The following SLC6A15 variants were observed in gnomAD, a reference collection of about 807,000 sequenced individuals.
SLC6A15 encodes sodium-dependent neutral amino acid transporter B(0)AT2.
In SLC6A15, 33 loss-of-function variants were observed where a neutral mutation model predicts 68.5. The observed-to-expected ratio is 0.48, with a 90% CI of 0.37 to 0.64. SLC6A15 has a LOEUF of 0.64. SLC6A15 is among the 30% of genes least tolerant of loss of function. The pLI is 0.00. For missense variants in SLC6A15, 747 were observed against 874.3 expected (o/e 0.85, Z 1.84); for synonymous variants, 347 against 301.0 (o/e 1.15, Z -1.58).
rs75479937 is a variant in SLC6A15 at position 84,899,641 on chromosome 12, C to T, written c.-188-7333G>A. Among the ~76,000 whole-genome samples the T allele has an allele frequency of 9.5e-3, 1,445 of 152,194 alleles. 21 individuals carry two copies. The highest frequency in any genetic ancestry group is 0.033 in the African/African-American group (1,376 of 41,530). On this transcript the variant is annotated intron_variant, in intron 1 of 11. Transcript: ENST00000266682. Reference sequence around the variant, plus strand: ...TCACTTTCTAAAGCTTGCAAAGAACCCCAAATGGCTTACAAATTATGAATC... The same window carrying T: ...TCACTTTCTAAAGCTTGCAAAGAACTCCAAATGGCTTACAAATTATGAATC...
chr12:84,898,692 T>A (rs535625808), intron 1 of SLC6A15, among the ~76,000 whole-genome samples: 2 of 152,338 alleles, frequency 1.3e-5, no homozygotes, highest in South Asian at 4.1e-4. Context: ...ATATATTCTC[T>A]CTTTTATTAC....
intron 5 of SLC6A15, chr12:84,881,999 A>G: frequency 2.0e-6 from 2 of 979,310 alleles, no homozygotes; most frequent in South Asian, 9.4e-5. Flanking sequence ...AAATGTATGT[A>G]CTAAATAAAT....
chr12:84,878,007 C>T (rs1355311705), intron 5 of SLC6A15, among the ~76,000 whole-genome samples: 3 of 152,160 alleles, frequency 2.0e-5, no homozygotes, highest in Non-Finnish European at 2.9e-5. Context: ...GAAAAAGTGC[C>T]ATAGCAGATG....
chr12:84,869,885 T>C (rs567590321), intron 9 of SLC6A15, among the ~76,000 whole-genome samples: 17 of 152,264 alleles, frequency 1.1e-4, no homozygotes, highest in African/African-American at 4.1e-4. Context: ...TATAATTTAT[T>C]TTATATCCTT....
At chr12:84,867,276 A>G in intron 9 of SLC6A15, 83 bp from the exon 10 acceptor site, 1 of 1,100,492 alleles carries the variant, frequency 9.1e-7, no homozygotes. Flanking sequence ...TTATATTCAA[A>G]CTTTTAAAAC....
At chr12:84,884,153 C>T (rs1296812546) in intron 4 of SLC6A15, 113 bp from the exon 5 acceptor site, 2 of 765,078 alleles carry the variant, frequency 2.6e-6, no homozygotes, top group African/African-American at 3.5e-5. Context: ...AAAGTACTAC[C>T]ATTGTATAGC....
intron 5 of SLC6A15, among the ~76,000 whole-genome samples, chr12:84,876,948 CT>C (rs759253959): frequency 1.4e-4 from 21 of 152,138 alleles, no homozygotes; most frequent in Admixed American, 4.6e-4. Context: ...TGAATTCCTA[CT>C]TTTTTGTTGT....
chr12:84,877,639 T>G (rs1871613382), intron 5 of SLC6A15, among the ~76,000 whole-genome samples: 1 of 152,146 alleles, frequency 6.6e-6, no homozygotes, highest in Non-Finnish European at 1.5e-5. Context: ...GCAGATGACT[T>G]GCTCCTCCTT....
At chr12:84,901,575 T>G (rs1020834977) in intron 1 of SLC6A15, among the ~76,000 whole-genome samples, 20 of 151,868 alleles carry the variant, frequency 1.3e-4, no homozygotes, top group Non-Finnish European at 4.4e-5. Context: ...CCTTCAAAAT[T>G]TTCTACCTTC....
chr12:84,881,859 C>A, intron 5 of SLC6A15: 1 of 985,298 alleles, frequency 1.0e-6, no homozygotes, highest in Non-Finnish European at 1.2e-6. Context: ...GGAATTGTGA[C>A]AATTTTGGCT....
chr12:84,864,601 T>C (rs1870991502), intron 10 of SLC6A15, among the ~76,000 whole-genome samples: 1 of 152,150 alleles, frequency 6.6e-6, no homozygotes. Context: ...ATTACAGGCT[T>C]GAGCCACCAC....
rs190617398 is a variant in SLC6A15, at chr12:84,869,394, G to A, written c.1495+1084C>T. On this transcript the variant is annotated intron_variant, in intron 9 of 11. Transcript: ENST00000266682. ...GGAGAATGGCGTGAACCCGGGAGGC[G>A]GAGCTTGCAGTGAGCTGAGATCGCA... Among the ~76,000 whole-genome samples the A allele has an allele frequency of 8.7e-4, 130 of 149,600 alleles. 2 individuals carry two copies. Among genetic ancestry groups the A allele is most frequent in the Admixed American group, 8.6e-3 (127 of 14,760 alleles).
At chr12:84,862,912 G>A (rs1258595895) in intron 11 of SLC6A15, among the ~76,000 whole-genome samples, 1 of 152,068 alleles carries the variant, frequency 6.6e-6, no homozygotes, top group Non-Finnish European at 1.5e-5. Flanking sequence ...GCCTCAGCCT[G>A]ACGAGTAGCT....
rs2120519381 is a variant in SLC6A15, at chr12:84,861,480, A to C, written c.*152T>G. 1 of 789,090 alleles carries C rather than the reference A, an allele frequency of 1.3e-6. No individual in the cohort carries two copies. The highest frequency in any genetic ancestry group is 3.0e-5 in the South Asian group (1 of 33,712). 48.9% of individuals were successfully genotyped at this position (789,090 alleles called of 1,614,324 possible). ...ACCAAAGAATCCAAAAGAATGCTCA[A>C]GTTGAACTGACATATACTGTTAGGA... On this transcript the variant is annotated 3_prime_UTR_variant, in exon 12 of 12. Coordinates refer to ENST00000266682, the MANE Select transcript of SLC6A15 (RefSeq NM_182767.6).
intron 1 of SLC6A15, among the ~76,000 whole-genome samples, chr12:84,908,441 T>C (rs367703638): frequency 5.7e-4 from 86 of 151,954 alleles, no homozygotes; most frequent in Middle Eastern, 3.4e-3. Context: ...AAAATACTCA[T>C]TGACTTTTGT....
intron 8 of SLC6A15, 87 bp from the exon 9 acceptor site, chr12:84,870,757 C>T: frequency 2.6e-6 from 2 of 756,800 alleles, no homozygotes; most frequent in South Asian, 2.7e-5. Flanking sequence ...GAGGAAAGAT[C>T]TCTGAATAAT....
Position 84,862,802 on chromosome 12 carries a change from T to G in SLC6A15, c.1818+637A>C, listed in dbSNP as rs147781351. Among the ~76,000 whole-genome samples the G allele has an allele frequency of 4.9e-3, 743 of 152,282 alleles. 4 individuals are homozygous for G. Among genetic ancestry groups the G allele is most frequent in the Non-Finnish European group, 8.0e-3 (545 of 68,028 alleles). On this transcript the variant is annotated intron_variant, in intron 11 of 11. Transcript: ENST00000266682. ...ATTTATTTATTTGTTTATTGATTGATTGAGTGATTGATAGTGACTTGCTTT... is the reference window on the plus strand; with the variant it reads ...ATTTATTTATTTGTTTATTGATTGAGTGAGTGATTGATAGTGACTTGCTTT...
chr12:84,898,858 C>T (rs979450294), intron 1 of SLC6A15, among the ~76,000 whole-genome samples: 2 of 152,198 alleles, frequency 1.3e-5, no homozygotes, highest in African/African-American at 2.4e-5. Context: ...GGCTGCACAT[C>T]AAATCTCCTT....
chr12:84,893,072 C>T (rs1039419035), intron 1 of SLC6A15, among the ~76,000 whole-genome samples: 6 of 152,152 alleles, frequency 3.9e-5, no homozygotes, highest in African/African-American at 1.4e-4. Context: ...GATTATATTG[C>T]ATAAGTGATC....
Sources: gnomAD v4.1 joint callset for allele counts (sites outside exome capture counted in the v4.1 genomes callset) on GRCh38, gnomAD v4.1.1 for gene constraint, MANE v1.5 for transcripts, NCBI Gene and HGNC (gene_info 2026-07-23, HGNC 2026-07-21) for gene names.